Variants in MTHFD1 observed in about 807,000 individuals in gnomAD.
The protein encoded by MTHFD1 is methylenetetrahydrofolate dehydrogenase, cyclohydrolase and formyltetrahydrofolate synthetase 1.
MTHFD1 carries 44 observed loss-of-function variants against 110.3 expected under a neutral mutation model. That is an observed-to-expected ratio of 0.40 (90% CI 0.31 to 0.51). The LOEUF is 0.51. Ranked by LOEUF, MTHFD1 falls within the 20% of genes least tolerant of loss-of-function variation. MTHFD1 has a pLI of 0.60. For missense variants in MTHFD1, 909 were observed against 1,173.1 expected (o/e 0.77, Z 3.29); for synonymous variants, 402 against 428.8 (o/e 0.94, Z 0.77).
intron 16 of MTHFD1, among the ~76,000 whole-genome samples, chr14:64,437,335 G>A (rs2078213957): frequency 6.6e-6 from 1 of 152,166 alleles, no homozygotes; most frequent in South Asian, 2.1e-4. Flanking sequence ...CAGCAATGAT[G>A]TTATTAGTAG....
At chr14:64,433,622 C>G (rs1464451873) in intron 15 of MTHFD1, among the ~76,000 whole-genome samples, 1 of 149,102 alleles carries the variant, frequency 6.7e-6, no homozygotes, top group Non-Finnish European at 1.5e-5. Context: ...GCCGTGTTGC[C>G]CAGGCTGATC....
chr14:64,391,450 C>G (rs1206260811), intron 1 of MTHFD1, among the ~76,000 whole-genome samples: 1 of 152,240 alleles, frequency 6.6e-6, no homozygotes, highest in East Asian at 1.9e-4. Context: ...CAGGTGTGAG[C>G]CACTGCGCCC....
At chr14:64,428,409 C>A (rs1249157220) in intron 12 of MTHFD1, among the ~76,000 whole-genome samples, 1 of 151,810 alleles carries the variant, frequency 6.6e-6, no homozygotes. Context: ...AGCCACCGTG[C>A]CAAGCTGCTG....
intron 19 of MTHFD1, chr14:64,441,750 C>G: frequency 1.8e-6 from 1 of 549,566 alleles, no homozygotes; most frequent in Non-Finnish European, 3.3e-6. Context: ...TTGCAGTGAG[C>G]CGAGATCACG....
chr14:64,441,884 T>C, intron 19 of MTHFD1, 170 bp from the exon 20 acceptor site: 2 of 680,862 alleles, frequency 2.9e-6, no homozygotes, highest in Admixed American at 2.1e-5. Context: ...CTTCTCATTC[T>C]TCCTCACACC....
chr14:64,452,519 C>T (rs994401330), intron 24 of MTHFD1, among the ~76,000 whole-genome samples: 27 of 152,324 alleles, frequency 1.8e-4, no homozygotes, highest in African/African-American at 5.8e-4. Flanking sequence ...GAAGGCTTTG[C>T]CCCGGAGGAA....
chr14:64,434,712 A>G (rs977157679), intron 15 of MTHFD1, among the ~76,000 whole-genome samples: 9 of 152,084 alleles, frequency 5.9e-5, no homozygotes, highest in Non-Finnish European at 1.0e-4. Flanking sequence ...ATTCTTCAGG[A>G]TGGGAGTAAT....
At chr14:64,409,719 A>C (rs530068246) in intron 2 of MTHFD1, among the ~76,000 whole-genome samples, 1 of 152,246 alleles carries the variant, frequency 6.6e-6, no homozygotes, top group Non-Finnish European at 1.5e-5. Flanking sequence ...AAAAGGTAGA[A>C]TTCCCCTCAA....
At chr14:64,454,381 G>A (rs1029183131) in intron 25 of MTHFD1, among the ~76,000 whole-genome samples, 3 of 152,024 alleles carry the variant, frequency 2.0e-5, no homozygotes, top group African/African-American at 7.3e-5. Context: ...CCAAAGTGCT[G>A]GAATTTATAG....
intron 2 of MTHFD1, among the ~76,000 whole-genome samples, chr14:64,401,250 A>G (rs2077894216): frequency 6.6e-6 from 1 of 151,218 alleles, no homozygotes; most frequent in Non-Finnish European, 1.5e-5. Context: ...GTAGCGTTGA[A>G]CTCCTGGCTT....
intron 12 of MTHFD1, among the ~76,000 whole-genome samples, chr14:64,429,492 T>C (rs1331551614): frequency 6.6e-6 from 1 of 151,936 alleles, no homozygotes; most frequent in African/African-American, 2.4e-5. Flanking sequence ...TTTTGGCTAA[T>C]ACAGATTGAG....
chr14:64,444,448 G>A (rs1022398255), intron 21 of MTHFD1, among the ~76,000 whole-genome samples: 9 of 151,874 alleles, frequency 5.9e-5, no homozygotes, highest in South Asian at 2.1e-4. Context: ...TCCTGCCATC[G>A]ATCCGGTCCT....
At chr14:64,448,606 T>G in intron 23 of MTHFD1, 1 of 429,680 alleles carries the variant, frequency 2.3e-6, no homozygotes, top group Admixed American at 3.5e-5. Context: ...AGAGGCCTTT[T>G]ATGCTAACAG....
chr14:64,451,103 A>G (rs1412049464), intron 24 of MTHFD1, among the ~76,000 whole-genome samples: 1 of 152,152 alleles, frequency 6.6e-6, no homozygotes, highest in Non-Finnish European at 1.5e-5. Flanking sequence ...CGGGAGGCGG[A>G]CGTTGCAATG....
chr14:64,457,459 CTTT>C (rs35789478), intron 26 of MTHFD1, among the ~76,000 whole-genome samples: 1 of 143,168 alleles, frequency 7.0e-6, no homozygotes, highest in Non-Finnish European at 1.5e-5. Context: ...TTTTCTTTTC[CTTT>C]TTTTTTTTTT....
intron 27 of MTHFD1, 60 bp downstream of exon 27, chr14:64,458,367 T>G: frequency 9.3e-7 from 1 of 1,080,444 alleles, no homozygotes; most frequent in South Asian, 1.2e-5. Context: ...TTATGAATTA[T>G]AGGGCTCAAA....
intron 19 of MTHFD1, 80 bp downstream of exon 19, chr14:64,441,533 G>C: frequency 7.3e-7 from 1 of 1,364,144 alleles, no homozygotes; most frequent in Non-Finnish European, 1.0e-6. Flanking sequence ...CTTGCAAGGC[G>C]CGGTGGCTCA....
At position 64,458,246 on chromosome 14, in the gene MTHFD1, C is replaced by A. The variant is rs1410883699; in HGVS notation, c.2751C>A (p.Pro917=). 6.2e-7 allele frequency: 1 copy of A among 1,613,288 alleles called. No individual in the cohort carries two copies. Among genetic ancestry groups the A allele is most frequent in the Non-Finnish European group, 8.5e-7 (1 of 1,179,544 alleles). Residue 917 remains proline, a synonymous_variant, in exon 27 of 28, where the codon CCC becomes CCA. Transcript: ENST00000652337. ...CAATGCCTGGACTCCCCACCCGGCCCTGTTTTTATGATATTGATTTGGACC... is the reference window on the plus strand; with the variant it reads ...CAATGCCTGGACTCCCCACCCGGCCATGTTTTTATGATATTGATTTGGACC... ...MSTMPGLPTR[P]CFYDIDLDPE... is the part of the protein sequence containing the mutation.
intron 17 of MTHFD1, 113 bp from the exon 18 acceptor site, chr14:64,440,013 T>C (rs2078235815): frequency 1.1e-6 from 1 of 893,544 alleles, no homozygotes; most frequent in Non-Finnish European, 1.7e-6. Flanking sequence ...TCTGTTATTC[T>C]ATCCTTTTAA....
Sources: allele counts gnomAD v4.1 joint callset (sites outside exome capture counted in the v4.1 genomes callset), GRCh38; gene constraint gnomAD v4.1.1; transcripts MANE v1.5; gene names NCBI Gene and HGNC (gene_info 2026-07-23, HGNC 2026-07-21).